The following INTS4 variants were observed in gnomAD, a reference collection of about 807,000 sequenced individuals.
INTS4 encodes integrator complex subunit 4.
Under a neutral mutation model 119.5 loss-of-function variants are expected in INTS4, and 70 were observed. The observed-to-expected ratio is 0.59, with a 90% CI of 0.48 to 0.71. The LOEUF (loss-of-function observed/expected upper bound fraction) is 0.71, where lower values mean the gene tolerates loss of function less well. Among genes scored for constraint, INTS4 ranks in the 30% least tolerant of loss-of-function variants. INTS4 has a pLI of 0.00. For synonymous variants in INTS4, 316 were observed against 419.6 expected, an observed-to-expected ratio of 0.75 and a Z score of 3.02; for missense variants, 867 against 1,173.2, an observed-to-expected ratio of 0.74 and a Z score of 3.81.
At position 77,954,084 on chromosome 11, in the gene INTS4, T is replaced by C. The variant is rs547775167; in HGVS notation, c.918+1858A>G. 5.3e-5 allele frequency among the ~76,000 whole-genome samples: 8 copies of C among 152,324 alleles called. No individual in the cohort carries two copies. In the East Asian group the frequency reaches 1.5e-3, roughly 29 times the overall value. ...GCCTTGGCCTCCCAAAGTGCTGGGA[T>C]TATAGGCGTGAGCCACAAAAGTTAA... On this transcript the variant is annotated intron_variant, in intron 8 of 22. Transcript: ENST00000534064.
downstream of INTS4, among the ~76,000 whole-genome samples, chr11:77,878,449 A>G (rs1951668225): frequency 6.6e-6 from 1 of 152,156 alleles, no homozygotes; most frequent in South Asian, 2.1e-4. Context: ...TGCATTAGGG[A>G]AGAGGCTTCT....
intron 10 of INTS4, among the ~76,000 whole-genome samples, chr11:77,930,076 C>G (rs1437250564): frequency 6.6e-6 from 1 of 152,112 alleles, no homozygotes; most frequent in Non-Finnish European, 1.5e-5. Flanking sequence ...AGGTGCAGTA[C>G]TAAGGGCTAG....
chr11:77,903,781 A>G (rs1213399311), intron 16 of INTS4, among the ~76,000 whole-genome samples, 161 bp from the exon 17 acceptor site: 2 of 152,232 alleles, frequency 1.3e-5, no homozygotes, highest in Non-Finnish European at 2.9e-5. Context: ...TTATGGAGAA[A>G]GATGAGACCA....
At chr11:77,948,779 G>C (rs1386622172) in intron 8 of INTS4, among the ~76,000 whole-genome samples, 1 of 143,138 alleles carries the variant, frequency 7.0e-6, no homozygotes, top group Non-Finnish European at 1.5e-5. Context: ...CAGACACCCT[G>C]TCTCAAAGAA....
chr11:77,959,706 A>G (rs1047446907), intron 6 of INTS4, among the ~76,000 whole-genome samples: 2 of 152,130 alleles, frequency 1.3e-5, no homozygotes, highest in African/African-American at 2.4e-5. Context: ...CACATCTGTG[A>G]TGGGGCTTGG....
At chr11:77,915,373 GC>G (rs996956293) in intron 15 of INTS4, 2 of 152,142 alleles carry the variant, frequency 1.3e-5, no homozygotes, top group Admixed American at 6.5e-5. Flanking sequence ...GTTGCTATGG[GC>G]CTCTGTGTGG....
intron 21 of INTS4, among the ~76,000 whole-genome samples, chr11:77,888,504 A>T (rs9667706): frequency 0.37 from 56,229 of 152,048 alleles, 10,688 homozygotes; most frequent in African/African-American, 0.43. Flanking sequence ...CATTCAGGAC[A>T]TAGGCATGGG....
chr11:77,988,054 T>A (rs4944187), intron 2 of INTS4, among the ~76,000 whole-genome samples: 49 of 152,286 alleles, frequency 3.2e-4, no homozygotes, highest in African/African-American at 5.5e-4. Flanking sequence ...TACGATTTTT[T>A]AAAAAATTTT....
At chr11:77,966,670 G>A (rs542216035) in intron 4 of INTS4, among the ~76,000 whole-genome samples, 1 of 152,194 alleles carries the variant, frequency 6.6e-6, no homozygotes, top group East Asian at 1.9e-4. Context: ...CCAGTACCAT[G>A]TTGTTTTGAC....
At chr11:77,960,298 A>G (rs989152472) in intron 6 of INTS4, 43 bp downstream of exon 6, 9 of 1,453,996 alleles carry the variant, frequency 6.2e-6, no homozygotes, top group South Asian at 3.7e-5. Context: ...TCCCAGCTTC[A>G]TGATACCTCC....
At chr11:77,982,636 G>C (rs1856292891) in intron 2 of INTS4, among the ~76,000 whole-genome samples, 1 of 152,034 alleles carries the variant, frequency 6.6e-6, no homozygotes, top group African/African-American at 2.4e-5. Context: ...TTCCTCCAAA[G>C]ACAAACAGGA....
chr11:77,920,206 C>CACATATACAT (rs1555026387), intron 14 of INTS4, among the ~76,000 whole-genome samples: 1,981 of 88,946 alleles, frequency 0.022, 17 homozygotes, highest in Non-Finnish European at 0.033. Context: ...CATATATATA[C>CACATATACAT]ACACATATAT....
At chr11:77,885,446 G>GA (rs922717484) in intron 21 of INTS4, among the ~76,000 whole-genome samples, 2 of 151,738 alleles carry the variant, frequency 1.3e-5, no homozygotes, top group African/African-American at 4.8e-5. Context: ...CCTACTATAG[G>GA]AAAAAAATGC....
At chr11:77,956,803 CTG>C (rs1954339459) in intron 7 of INTS4, among the ~76,000 whole-genome samples, 1 of 150,736 alleles carries the variant, frequency 6.6e-6, no homozygotes, top group African/African-American at 2.4e-5. Context: ...GCTCAATAAA[CTG>C]AGAACAGTCA....
rs1210808452 is a variant in INTS4, at chr11:77,994,597, A to C, written c.47T>G (p.Val16Gly). ...KKRVYEEFTK[V>G]VQPQEEIATK... ...TTTCCCGCCAGAGCTTACCTGAACC[A>C]CTTTCGTGAATTCCTCATAAACCCG... The change falls in exon 1 of 23, where the codon GTG becomes GGG. Residue 16 changes from valine (V) to glycine (G), a missense_variant. By Grantham distance (109) the Val-to-Gly change is moderately radical. This residue lies in a region of INTS4 where 224 missense variants were observed against 231.8 expected (regional missense o/e 0.97). Transcript: ENST00000534064. 1 of 1,613,104 alleles carries C rather than the reference A, an allele frequency of 6.2e-7. No individual in the cohort carries two copies. The highest frequency in any genetic ancestry group is 1.3e-5 in the African/African-American group (1 of 75,026).
chr11:77,905,044 A>C (rs929390229), intron 16 of INTS4, among the ~76,000 whole-genome samples: 2 of 152,206 alleles, frequency 1.3e-5, no homozygotes, highest in Non-Finnish European at 2.9e-5. Flanking sequence ...GGGTGTGTCT[A>C]TGAGAGTGTT....
intron 2 of INTS4, among the ~76,000 whole-genome samples, chr11:77,984,213 C>CCGGGCA (rs1459402725): frequency 1.3e-5 from 2 of 152,080 alleles, no homozygotes; most frequent in African/African-American, 4.8e-5. Flanking sequence ...TAGAATGAGA[C>CCGGGCA]CGGGCACAGT....
At chr11:77,880,329 T>G (rs1326633011) in intron 22 of INTS4, among the ~76,000 whole-genome samples, 1 of 152,150 alleles carries the variant, frequency 6.6e-6, no homozygotes, top group Non-Finnish European at 1.5e-5. Context: ...ACTGGATTGC[T>G]GTCCTCCAGG....
At chr11:77,944,311 A>G (rs1281821175) in intron 8 of INTS4, among the ~76,000 whole-genome samples, 1 of 152,194 alleles carries the variant, frequency 6.6e-6, no homozygotes, top group African/African-American at 2.4e-5. Flanking sequence ...CAGATCCCCT[A>G]TATTGAACAT....
Sources: gnomAD v4.1 joint callset for allele counts (sites outside exome capture counted in the v4.1 genomes callset) on GRCh38, gnomAD v4.1.1 for gene constraint, gnomAD v4.1.1 regional missense constraint, MANE v1.5 for transcripts, NCBI Gene and HGNC (gene_info 2026-07-23, HGNC 2026-07-21) for gene names.